Variants in NUP43 observed in about 807,000 individuals in gnomAD.
The protein encoded by NUP43 is nucleoporin Nup43.
In NUP43, 32 loss-of-function variants were observed where a neutral mutation model predicts 47.3. The observed-to-expected ratio is 0.68, with a 90% CI of 0.51 to 0.91. NUP43 has a LOEUF of 0.91. Ranked by LOEUF, NUP43 falls within the 40% of genes least tolerant of loss-of-function variation. NUP43 has a pLI of 0.00. For missense variants in NUP43, 444 were observed against 453.9 expected (o/e 0.98, Z 0.20); for synonymous variants, 147 against 158.4 (o/e 0.93, Z 0.54).
intron 6 of NUP43, 116 bp from the exon 7 acceptor site, chr6:149,731,851 C>A: frequency 9.7e-7 from 1 of 1,034,790 alleles, no homozygotes; most frequent in South Asian, 1.6e-5. Flanking sequence ...CTTCGAGCCT[C>A]AAGTCTGTCC....
intron 2 of NUP43, among the ~76,000 whole-genome samples, chr6:149,745,072 T>C (rs1399075056): frequency 2.6e-5 from 4 of 151,044 alleles, no homozygotes; most frequent in Admixed American, 6.6e-5. Context: ...TAGCTTTCTA[T>C]GGAAAATGCA....
chr6:149,743,697 T>C lies in NUP43; in HGVS notation c.262A>G (p.Ile88Val), dbSNP rs1397729305. 6.2e-7 allele frequency: 1 copy of C among 1,610,078 alleles called. No homozygotes were observed. The highest frequency in any genetic ancestry group is 8.5e-7 in the Non-Finnish European group (1 of 1,177,464). ...MDLQFFDQER[I>V]VAASSTGCVT... The stretch of plus-strand genomic sequence containing the variant: ...CATCCTGTTGATGAAGCAGCGACAA[T>C]TCTTTCCTGGTCAAAAAACTAAAGA... The change falls in exon 3 of 8, where the codon ATT (isoleucine) becomes GTT (valine). Residue 88 changes from isoleucine (I) to valine (V), a missense_variant. Transcript: ENST00000340413.
intron 6 of NUP43, among the ~76,000 whole-genome samples, chr6:149,732,013 C>T (rs1224311692): frequency 6.6e-6 from 1 of 151,866 alleles, no homozygotes; most frequent in East Asian, 1.9e-4. Flanking sequence ...GAAACACCAT[C>T]TCTACTAAAA....
intron 6 of NUP43, among the ~76,000 whole-genome samples, chr6:149,736,135 G>C (rs1425095012): frequency 6.6e-6 from 1 of 151,882 alleles, no homozygotes; most frequent in Non-Finnish European, 1.5e-5. Context: ...AAATTAGCCA[G>C]GTGTGGTGGT....
intron 4 of NUP43, among the ~76,000 whole-genome samples, chr6:149,739,280 C>T (rs188855890): frequency 0.015 from 2,331 of 151,338 alleles, 70 homozygotes; most frequent in African/African-American, 0.053. Context: ...GCCTGGCCTA[C>T]TGTTTTCTTT....
chr6:149,730,933 G>A (rs1785004118), intron 7 of NUP43, among the ~76,000 whole-genome samples: 1 of 139,038 alleles, frequency 7.2e-6, no homozygotes, highest in Non-Finnish European at 1.6e-5. Flanking sequence ...GTGAGACGCT[G>A]TCTCAAACAA....
rs1784768148 is a variant in NUP43, at chr6:149,725,659, A to G, written c.*1310T>C. The stretch of plus-strand genomic sequence containing the variant: ...ATAATTCCATAACTATGATTATTGG[A>G]ATTACAAAGTAAATGAACACTTCAA... On this transcript the variant is annotated 3_prime_UTR_variant, in exon 8 of 8. Coordinates refer to ENST00000340413, the MANE Select transcript of NUP43 (RefSeq NM_198887.3). The G allele has an allele frequency of 6.6e-6, 1 of 152,224 alleles. No homozygotes were observed. Among genetic ancestry groups the G allele is most frequent in the South Asian group, 2.1e-4 (1 of 4,838 alleles). The allele number at this position is 152,224 out of a possible 1,614,324, so 9.4% of individuals were successfully genotyped here.
chr6:149,738,586 A>G, intron 5 of NUP43, 57 bp downstream of exon 5: 1 of 1,295,338 alleles, frequency 7.7e-7, no homozygotes, highest in South Asian at 1.9e-5. Flanking sequence ...GTAGCTATAA[A>G]CAACCTAACA....
intron 2 of NUP43, 109 bp downstream of exon 2, chr6:149,745,831 G>T: frequency 1.0e-6 from 1 of 959,522 alleles, no homozygotes. Context: ...AGAGCACTCA[G>T]TTTTCTGTAA....
intron 7 of NUP43, chr6:149,728,155 T>G: frequency 1.0e-6 from 1 of 985,240 alleles, no homozygotes; most frequent in Non-Finnish European, 1.2e-6. Context: ...AATTCTTATA[T>G]CCTAATTGAA....
intron 2 of NUP43, among the ~76,000 whole-genome samples, chr6:149,744,395 G>A (rs575690551): frequency 2.6e-5 from 4 of 151,736 alleles, no homozygotes; most frequent in African/African-American, 9.7e-5. Flanking sequence ...GTGCTGGCAT[G>A]TGCCTGTACT....
intron 6 of NUP43, among the ~76,000 whole-genome samples, chr6:149,735,161 CA>C (rs1785258015): frequency 6.6e-6 from 1 of 152,030 alleles, no homozygotes; most frequent in African/African-American, 2.4e-5. Context: ...TTCCTGGACT[CA>C]AGCAATCCTC....
At chr6:149,742,607 T>C in intron 3 of NUP43, 37 bp from the exon 4 acceptor site, 1 of 1,517,660 alleles carries the variant, frequency 6.6e-7, no homozygotes, top group East Asian at 2.3e-5. Flanking sequence ...TAAAGCAAAG[T>C]ACTAAGGAAT....
intron 7 of NUP43, chr6:149,727,955 C>T (rs2115071767): frequency 1.0e-6 from 1 of 985,198 alleles, no homozygotes; most frequent in South Asian, 4.7e-5. Flanking sequence ...AGGCTCTGTG[C>T]TAAGTGCTCT....
chr6:149,737,350 T>C (rs1220051425), intron 5 of NUP43, among the ~76,000 whole-genome samples: 1 of 151,140 alleles, frequency 6.6e-6, no homozygotes, highest in East Asian at 2.0e-4. Context: ...CAATGGCCTA[T>C]CTACAGCTTG....
At chr6:149,746,630 G>A (rs1417909667), upstream of NUP43, 7 of 1,595,154 alleles carry the variant, frequency 4.4e-6, no homozygotes, top group Middle Eastern at 1.7e-4. Flanking sequence ...AATTCTCGTC[G>A]ATAGCCAGTG....
intron 6 of NUP43, among the ~76,000 whole-genome samples, 191 bp from the exon 7 acceptor site, chr6:149,731,926 T>C (rs1429880728): frequency 3.3e-5 from 5 of 151,844 alleles, no homozygotes; most frequent in Non-Finnish European, 7.4e-5. Context: ...CTATAACACA[T>C]AGAAAGGAAA....
intron 6 of NUP43, 53 bp from the exon 7 acceptor site, chr6:149,731,788 A>C: frequency 6.3e-7 from 1 of 1,592,664 alleles, no homozygotes; most frequent in Non-Finnish European, 8.6e-7. Flanking sequence ...CTGAACAAAC[A>C]ACATTAAACC....
rs565901597 is a variant in NUP43, at chr6:149,727,031, G to A, written c.1081C>T (p.Pro361Ser). ...LSVNTLDVLGPCLVCGTDAEA... is the reference protein window; with the variant it reads ...LSVNTLDVLGSCLVCGTDAEA... ...GCATCGGTTCCACAAACAAGACAAG[G>A]ACCTAAAACATCCAAAGTGTTCACA... The change falls in exon 8 of 8, where the codon CCT becomes TCT. Residue 361 changes from proline to serine, a missense_variant. By Grantham distance (74) the Pro-to-Ser change is moderately conservative. Coordinates refer to ENST00000340413, the MANE Select transcript of NUP43 (RefSeq NM_198887.3). The A allele has an allele frequency of 1.2e-6, 2 of 1,614,088 alleles. No individual in the cohort carries two copies. Among genetic ancestry groups the A allele is most frequent in the Admixed American group, 1.7e-5 (1 of 60,000 alleles).
Sources: allele counts gnomAD v4.1 joint callset (sites outside exome capture counted in the v4.1 genomes callset), GRCh38; gene constraint gnomAD v4.1.1; transcripts MANE v1.5; gene names NCBI Gene and HGNC (gene_info 2026-07-23, HGNC 2026-07-21).